The following LHFPL3 variants were observed in gnomAD, a reference collection of about 807,000 sequenced individuals.
LHFPL3 encodes LHFPL tetraspan subfamily member 3 protein.
In LHFPL3, 5 loss-of-function variants were observed where a neutral mutation model predicts 19.3. That is an observed-to-expected ratio of 0.26 (90% CI 0.14 to 0.54). LHFPL3 has a LOEUF of 0.54. Ranked by LOEUF, LHFPL3 falls within the 20% of genes least tolerant of loss-of-function variation. LHFPL3 has a pLI of 0.94. For missense variants in LHFPL3, 249 were observed against 307.4 expected (o/e 0.81, Z 1.42); for synonymous variants, 133 against 126.2 (o/e 1.05, Z -0.36).
At chr7:104,741,493 A>G (rs1793936605) in intron 2 of LHFPL3, among the ~76,000 whole-genome samples, 1 of 150,772 alleles carries the variant, frequency 6.6e-6, no homozygotes, top group African/African-American at 2.4e-5. Context: ...CCCACTGAAA[A>G]ACAAAGAAAA....
intron 1 of LHFPL3, among the ~76,000 whole-genome samples, chr7:104,726,055 C>CAAAAAA (rs56697785): frequency 0.3 from 21,821 of 73,904 alleles, 3,423 homozygotes; most frequent in East Asian, 0.5. Flanking sequence ...CCATCTCAGG[C>CAAAAAA]AAAAAAAAAA....
chr7:104,864,882 A>G lies in LHFPL3; in HGVS notation c.683-41305A>G, dbSNP rs553918493. Among the ~76,000 whole-genome samples the G allele has an allele frequency of 2.0e-5, 3 of 152,322 alleles. No individual in the cohort carries two copies. In the East Asian group the frequency reaches 5.8e-4, roughly 29 times the overall value. ...GGTACTCCTCTGAGACAAAACTTCCAGAGGAATGATCAGGCAGCAACATTT... is the reference window on the plus strand; with the variant it reads ...GGTACTCCTCTGAGACAAAACTTCCGGAGGAATGATCAGGCAGCAACATTT... On this transcript the variant is annotated intron_variant, in intron 2 of 2. Transcript: ENST00000424859.
intron 2 of LHFPL3, among the ~76,000 whole-genome samples, chr7:104,797,395 T>C (rs563073939): frequency 1.9e-3 from 284 of 152,206 alleles, no homozygotes; most frequent in Non-Finnish European, 3.3e-3. Flanking sequence ...GAAACTTTAA[T>C]GGCCAAATGA....
Position 104,661,012 on chromosome 7 carries a change from A to G in LHFPL3, c.446-75663A>G, listed in dbSNP as rs77815300. Among the ~76,000 whole-genome samples the G allele has an allele frequency of 5.2e-3, 788 of 152,262 alleles. 44 individuals carry two copies. In the East Asian group the frequency reaches 0.11, roughly 22 times the overall value. On this transcript the variant is annotated intron_variant, in intron 1 of 2. Coordinates refer to ENST00000424859, the MANE Select transcript of LHFPL3 (RefSeq NM_199000.3). ...CTGGTGATGTGGTCATGGAGATGTCAAATTTCTATTATTAGTACAACTAAC... is the reference window on the plus strand; with the variant it reads ...CTGGTGATGTGGTCATGGAGATGTCGAATTTCTATTATTAGTACAACTAAC...
intron 2 of LHFPL3, among the ~76,000 whole-genome samples, chr7:104,848,987 G>T (rs1292046201): frequency 1.3e-5 from 2 of 151,860 alleles, no homozygotes; most frequent in Non-Finnish European, 2.9e-5. Flanking sequence ...GAGTGCAGTG[G>T]CGTGATCTCA....
chr7:104,763,929 C>T (rs188608930), intron 2 of LHFPL3, among the ~76,000 whole-genome samples: 60 of 152,210 alleles, frequency 3.9e-4, no homozygotes, highest in Non-Finnish European at 6.5e-4. Flanking sequence ...AGGAAATTTC[C>T]AATAAGGATA....
intron 1 of LHFPL3, among the ~76,000 whole-genome samples, chr7:104,619,733 A>G (rs923526993): frequency 6.6e-6 from 1 of 152,180 alleles, no homozygotes; most frequent in Non-Finnish European, 1.5e-5. Flanking sequence ...TTATTCCTCA[A>G]GGAGTTTATA....
At chr7:104,726,912 T>C (rs1793602232) in intron 1 of LHFPL3, among the ~76,000 whole-genome samples, 1 of 152,204 alleles carries the variant, frequency 6.6e-6, no homozygotes, top group Non-Finnish European at 1.5e-5. Context: ...TGCCACACTG[T>C]CTTCTACAAT....
intron 2 of LHFPL3, among the ~76,000 whole-genome samples, chr7:104,829,646 C>T (rs1037777816): frequency 6.6e-6 from 1 of 151,806 alleles, no homozygotes; most frequent in African/African-American, 2.4e-5. Flanking sequence ...CATGTCCCTA[C>T]AAAGGACATG....
chr7:104,820,202 T>C (rs1790650830), intron 2 of LHFPL3, among the ~76,000 whole-genome samples: 1 of 152,196 alleles, frequency 6.6e-6, no homozygotes, highest in Non-Finnish European at 1.5e-5. Flanking sequence ...CAAGCCCATT[T>C]ATCATTCTCA....
At chr7:104,877,922 C>A (rs1456508363) in intron 2 of LHFPL3, among the ~76,000 whole-genome samples, 3 of 151,960 alleles carry the variant, frequency 2.0e-5, no homozygotes, top group African/African-American at 7.3e-5. Flanking sequence ...CAACCTCCAT[C>A]TCCAGGGTTC....
At chr7:104,525,368 T>G (rs573704103) in intron 1 of LHFPL3, among the ~76,000 whole-genome samples, 1 of 152,192 alleles carries the variant, frequency 6.6e-6, no homozygotes, top group South Asian at 2.1e-4. Context: ...GAGTTTATTA[T>G]TTTCATGGGT....
chr7:104,591,388 G>A (rs1790719413), intron 1 of LHFPL3, among the ~76,000 whole-genome samples: 1 of 152,150 alleles, frequency 6.6e-6, no homozygotes, highest in Non-Finnish European at 1.5e-5. Flanking sequence ...TAGTTTGGCT[G>A]GATATGAAAT....
chr7:104,696,399 G>A (rs972127278), intron 1 of LHFPL3, among the ~76,000 whole-genome samples: 5 of 152,044 alleles, frequency 3.3e-5, no homozygotes, highest in Non-Finnish European at 5.9e-5. Flanking sequence ...TAAGCAGAGG[G>A]GTGAAAGTTT....
intron 2 of LHFPL3, among the ~76,000 whole-genome samples, chr7:104,855,792 T>TA (rs1791494074): frequency 6.6e-6 from 1 of 152,130 alleles, no homozygotes; most frequent in Non-Finnish European, 1.5e-5. Flanking sequence ...CCAGTTAAAA[T>TA]AGAGACTGGG....
intron 1 of LHFPL3, among the ~76,000 whole-genome samples, chr7:104,504,470 C>T (rs1455300179): frequency 6.6e-6 from 1 of 152,048 alleles, no homozygotes; most frequent in Non-Finnish European, 1.5e-5. Flanking sequence ...AAATTACATC[C>T]CTTGGATGGG....
rs2115749172 is a variant in LHFPL3, at chr7:104,611,206, A to G, written c.446-125469A>G. Among the ~76,000 whole-genome samples the G allele has an allele frequency of 2.0e-5, 3 of 152,366 alleles. No homozygotes were observed. In the Middle Eastern group the frequency reaches 0.01, roughly 518 times the overall value. On this transcript the variant is annotated intron_variant, in intron 1 of 2. Coordinates refer to ENST00000424859, the MANE Select transcript of LHFPL3 (RefSeq NM_199000.3). ...TTAAATGATGATAAGTTAGGTGGGC[A>G]TTAGATAACAATAATTTTATTTCAT...
chr7:104,904,221 T>A (rs1792551129), intron 2 of LHFPL3, among the ~76,000 whole-genome samples: 1 of 152,214 alleles, frequency 6.6e-6, no homozygotes, highest in South Asian at 2.1e-4. Context: ...ATTAAGATCA[T>A]AATGTGGATA....
At chr7:104,750,739 C>A (rs957153348) in intron 2 of LHFPL3, among the ~76,000 whole-genome samples, 57 of 152,124 alleles carry the variant, frequency 3.7e-4, no homozygotes, top group African/African-American at 1.3e-3. Flanking sequence ...TGGCTTATTC[C>A]CTGAAACACT....
Sources: gnomAD v4.1 joint callset for allele counts (sites outside exome capture counted in the v4.1 genomes callset) on GRCh38, gnomAD v4.1.1 for gene constraint, MANE v1.5 for transcripts, NCBI Gene and HGNC (gene_info 2026-07-23, HGNC 2026-07-21) for gene names.